Variants in MNAT1 observed in about 807,000 individuals in gnomAD.
MNAT1 encodes the protein CDK-activating kinase assembly factor MAT1.
MNAT1 carries 43 observed loss-of-function variants against 42.0 expected under a neutral mutation model. The ratio of observed to expected loss-of-function variants is 1.02; its 90% CI spans 0.80 to 1.32. The LOEUF (loss-of-function observed/expected upper bound fraction) is 1.32, where lower values mean the gene tolerates loss of function less well. Among genes scored for constraint, MNAT1 ranks in the 40% most tolerant of loss-of-function variants. MNAT1 has a pLI of 0.00. For missense variants in MNAT1, 306 were observed against 350.4 expected (o/e 0.87, Z 1.01); for synonymous variants, 118 against 120.0 (o/e 0.98, Z 0.11).
chr14:60,835,161 ATCTCCTG>A (rs1216363147), intron 6 of MNAT1, among the ~76,000 whole-genome samples: 5 of 151,862 alleles, frequency 3.3e-5, no homozygotes, highest in African/African-American at 7.3e-5. Flanking sequence ...CGTGAGATGG[ATCTCCTG>A]AATACAGCAC....
intron 1 of MNAT1, among the ~76,000 whole-genome samples, chr14:60,759,889 A>T (rs1014208616): frequency 2.0e-5 from 3 of 152,154 alleles, no homozygotes; most frequent in African/African-American, 4.8e-5. Context: ...TTTAAAAGAA[A>T]TTTTTTTAAA....
chr14:60,792,640 G>T (rs2031865113), intron 1 of MNAT1, among the ~76,000 whole-genome samples: 2 of 152,012 alleles, frequency 1.3e-5, no homozygotes, highest in African/African-American at 4.8e-5. Context: ...ATTTCTTTTA[G>T]GCCAGTATGT....
intron 1 of MNAT1, among the ~76,000 whole-genome samples, chr14:60,759,076 T>G (rs1382997718): frequency 6.6e-6 from 1 of 152,206 alleles, no homozygotes; most frequent in African/African-American, 2.4e-5. Flanking sequence ...AGAGATTGTT[T>G]GAGGCAGCTG....
At chr14:60,940,049 C>T (rs184109775) in intron 7 of MNAT1, among the ~76,000 whole-genome samples, 55 of 152,162 alleles carry the variant, frequency 3.6e-4, no homozygotes, top group South Asian at 6.2e-4. Context: ...AGACTAGGAT[C>T]GCAACCCCTG....
At chr14:60,750,249 C>T (rs1259306704) in intron 1 of MNAT1, among the ~76,000 whole-genome samples, 2 of 148,792 alleles carry the variant, frequency 1.3e-5, no homozygotes, top group African/African-American at 2.5e-5. Context: ...TTTTTTGAGA[C>T]GGAATCTCGT....
At chr14:60,780,775 C>T (rs4151188) in intron 1 of MNAT1, among the ~76,000 whole-genome samples, 3,455 of 151,926 alleles carry the variant, frequency 0.023, 147 homozygotes, top group African/African-American at 0.079. Flanking sequence ...TTTGACTCAC[C>T]ATGGAGTTAA....
chr14:60,947,695 T>C (rs1459508143), intron 7 of MNAT1, among the ~76,000 whole-genome samples: 3 of 152,060 alleles, frequency 2.0e-5, no homozygotes, highest in African/African-American at 7.2e-5. Flanking sequence ...AAATAAAAAT[T>C]ATGTAAAATT....
intron 6 of MNAT1, among the ~76,000 whole-genome samples, chr14:60,858,706 A>G (rs544764669): frequency 2.0e-5 from 3 of 152,286 alleles, no homozygotes; most frequent in South Asian, 2.1e-4. Context: ...AGCTAGTCCA[A>G]TCTTTAGCAA....
At chr14:60,899,111 T>C (rs553025501) in intron 7 of MNAT1, among the ~76,000 whole-genome samples, 63 of 152,286 alleles carry the variant, frequency 4.1e-4, no homozygotes, top group African/African-American at 1.5e-3. Flanking sequence ...GTTCCACTGA[T>C]CTTGTAGAAT....
intron 7 of MNAT1, among the ~76,000 whole-genome samples, chr14:60,924,510 G>A (rs947087110): frequency 6.6e-6 from 1 of 151,728 alleles, no homozygotes; most frequent in African/African-American, 2.4e-5. Flanking sequence ...TGAGACAGTG[G>A]TTTTTAATTT....
intron 7 of MNAT1, among the ~76,000 whole-genome samples, chr14:60,889,277 G>T (rs991330103): frequency 9.2e-5 from 14 of 152,120 alleles, no homozygotes; most frequent in African/African-American, 3.4e-4. Flanking sequence ...ACAGAACAGA[G>T]CCCTCAGAAA....
chr14:60,917,684 G>A (rs549539739), intron 7 of MNAT1, among the ~76,000 whole-genome samples: 9 of 150,738 alleles, frequency 6.0e-5, no homozygotes, highest in African/African-American at 1.7e-4. Context: ...GTGGAGTGGC[G>A]TGATCTCGGC....
chr14:60,780,588 A>G (rs2031423127), intron 1 of MNAT1: 1 of 1,456,860 alleles, frequency 6.9e-7, no homozygotes, highest in Non-Finnish European at 9.5e-7. Flanking sequence ...ATTCCTGTCA[A>G]TGACTGAAGA....
At chr14:60,857,795 ACT>A (rs2033999033) in intron 6 of MNAT1, among the ~76,000 whole-genome samples, 2 of 146,054 alleles carry the variant, frequency 1.4e-5, no homozygotes, top group Non-Finnish European at 3.1e-5. Context: ...GCATTGTTCA[ACT>A]CTCACTTATG....
chr14:60,919,431 G>T, intron 7 of MNAT1: 1 of 156,986 alleles, frequency 6.4e-6, no homozygotes, highest in South Asian at 1.9e-4. Context: ...GCGGTAGGTG[G>T]GGATGGTGCA....
chr14:60,890,440 AATAG>A (rs2034812036), intron 7 of MNAT1, among the ~76,000 whole-genome samples: 1 of 152,214 alleles, frequency 6.6e-6, no homozygotes, highest in African/African-American at 2.4e-5. Flanking sequence ...GGACAGAACT[AATAG>A]ATAGATGTAT....
At chr14:60,895,656 G>A (rs907639024) in intron 7 of MNAT1, among the ~76,000 whole-genome samples, 19 of 152,286 alleles carry the variant, frequency 1.2e-4, no homozygotes, top group African/African-American at 4.1e-4. Flanking sequence ...TCTCAGCCAT[G>A]TGTGGTAGCT....
chr14:60,935,969 A>G (rs1278884821), intron 7 of MNAT1, among the ~76,000 whole-genome samples: 1 of 152,184 alleles, frequency 6.6e-6, no homozygotes, highest in Non-Finnish European at 1.5e-5. Flanking sequence ...AGGGAAAAAA[A>G]GAAACAAAAA....
chr14:60,842,539 T>C (rs935100876), intron 6 of MNAT1, among the ~76,000 whole-genome samples: 3 of 152,238 alleles, frequency 2.0e-5, no homozygotes, highest in Non-Finnish European at 2.9e-5. Context: ...CATTGATTCT[T>C]ATTTTGTTCA....
Sources: gnomAD v4.1 joint callset for allele counts (sites outside exome capture counted in the v4.1 genomes callset) on GRCh38, gnomAD v4.1.1 for gene constraint, MANE v1.5 for transcripts, NCBI Gene and HGNC (gene_info 2026-07-23, HGNC 2026-07-21) for gene names.